Variants in LRP6 observed in about 807,000 individuals in gnomAD.
LRP6 encodes the protein low-density lipoprotein receptor-related protein 6.
LRP6 carries 43 observed loss-of-function variants against 184.1 expected under a neutral mutation model. The observed-to-expected ratio is 0.23, with a 90% CI of 0.18 to 0.30. The LOEUF is 0.30. Ranked by LOEUF, LRP6 falls within the 10% of genes least tolerant of loss-of-function variation. The pLI is 1.00. For missense variants in LRP6, 1,571 were observed against 2,005.3 expected, an observed-to-expected ratio of 0.78 and a Z score of 4.14; for synonymous variants, 719 against 684.9, an observed-to-expected ratio of 1.05 and a Z score of -0.78.
intron 1 of LRP6, among the ~76,000 whole-genome samples, chr12:12,261,363 G>C (rs553248691): frequency 4.7e-5 from 7 of 149,024 alleles, no homozygotes; most frequent in African/African-American, 1.2e-4. Flanking sequence ...AGATCACGCC[G>C]CTGCACTCCA....
intron 13 of LRP6, among the ~76,000 whole-genome samples, chr12:12,149,756 TCA>T (rs931040206): frequency 1.3e-5 from 2 of 152,166 alleles, no homozygotes; most frequent in African/African-American, 4.8e-5. Context: ...ACAAATCAAG[TCA>T]TCTCCTTTTC....
intron 7 of LRP6, among the ~76,000 whole-genome samples, chr12:12,177,225 G>A (rs886118726): frequency 4.6e-5 from 7 of 152,078 alleles, no homozygotes; most frequent in South Asian, 4.1e-4. Context: ...TAGTCCCAGC[G>A]AAAAGCAGCT....
chr12:12,180,225 A>T (rs149874711), intron 6 of LRP6, among the ~76,000 whole-genome samples: 78 of 145,842 alleles, frequency 5.3e-4, no homozygotes, highest in African/African-American at 1.8e-3. Context: ...CAATAATGAG[A>T]TTACAGTTTT....
intron 2 of LRP6, among the ~76,000 whole-genome samples, chr12:12,206,577 T>C (rs1349120192): frequency 1.3e-5 from 2 of 151,484 alleles, no homozygotes; most frequent in African/African-American, 4.9e-5. Context: ...TTCATTTTTA[T>C]TCTGAGAACA....
intron 3 of LRP6, among the ~76,000 whole-genome samples, chr12:12,194,059 A>C (rs1863688133): frequency 6.6e-6 from 1 of 152,078 alleles, no homozygotes; most frequent in Non-Finnish European, 1.5e-5. Flanking sequence ...CAATTACTGA[A>C]ATTCACCATG....
rs550623431 is a variant in LRP6, at chr12:12,145,046, A to G, written c.3397+2320T>C. Among the ~76,000 whole-genome samples the G allele has an allele frequency of 3.3e-5, 5 of 152,318 alleles. No homozygotes were observed. The East Asian group carries it at 9.6e-4, about 29-fold the overall frequency. The stretch of plus-strand genomic sequence containing the variant: ...CCTGCACATTGTGCACATGTATCCT[A>G]AAACTTATAATTAAAAAAAAAACTG... On this transcript the variant is annotated intron_variant, in intron 15 of 22. Coordinates refer to ENST00000261349, the MANE Select transcript of LRP6 (RefSeq NM_002336.3).
rs1456822172 is a variant in LRP6, at chr12:12,244,587, T to C, written c.124A>G (p.Asn42Asp). ...RLVDATNGKENATIVVGGLED... is the reference protein window; with the variant it reads ...RLVDATNGKEDATIVVGGLED... The stretch of plus-strand genomic sequence containing the variant: ...AAGCCTCCAACTACAATCGTAGCAT[T>C]CTCTTTGCCATTTGTAGCATCAACC... Residue 42 changes from asparagine (N) to aspartate (D), a missense_variant, in exon 2 of 23, where the codon AAT becomes GAT. Transcript: ENST00000261349. 1.9e-6 allele frequency: 3 copies of C among 1,614,172 alleles called. No homozygotes were observed. The highest frequency in any genetic ancestry group is 8.5e-7 in the Non-Finnish European group (1 of 1,180,006).
chr12:12,187,592 A>C (rs1266595017), intron 3 of LRP6: 1 of 194,786 alleles, frequency 5.1e-6, no homozygotes, highest in Non-Finnish European at 1.1e-5. Flanking sequence ...GATGTGGAAG[A>C]ACAAAGAACC....
At chr12:12,224,966 A>T (rs1268119389) in intron 2 of LRP6, among the ~76,000 whole-genome samples, 1 of 152,182 alleles carries the variant, frequency 6.6e-6, no homozygotes, top group Non-Finnish European at 1.5e-5. Flanking sequence ...GCACTTTAGG[A>T]GGCCCAGGCA....
At chr12:12,206,542 CAAAA>C (rs60179716) in intron 2 of LRP6, among the ~76,000 whole-genome samples, 28 of 116,854 alleles carry the variant, frequency 2.4e-4, no homozygotes, top group Admixed American at 3.5e-4. Context: ...GACTCCATCT[CAAAA>C]AAAAAAAAAA....
chr12:12,203,436 G>A (rs1315761026), intron 2 of LRP6, 36 bp from the exon 3 acceptor site: 5 of 1,505,320 alleles, frequency 3.3e-6, no homozygotes, highest in Non-Finnish European at 3.7e-6. Context: ...CCATGACAGA[G>A]CAGATATCAA....
At chr12:12,151,116 T>C (rs1385154921) in intron 12 of LRP6, 78 bp from the exon 13 acceptor site, 15 of 1,237,800 alleles carry the variant, frequency 1.2e-5, no homozygotes, top group South Asian at 5.1e-5. Context: ...ATCAGCCTGT[T>C]GTATGTATTT....
At chr12:12,261,847 A>G (rs1279109556) in intron 1 of LRP6, among the ~76,000 whole-genome samples, 2 of 152,222 alleles carry the variant, frequency 1.3e-5, no homozygotes, top group Non-Finnish European at 2.9e-5. Flanking sequence ...TTCTACAGAA[A>G]TACAAGATGC....
At chr12:12,205,356 AGAG>A (rs1864030615) in intron 2 of LRP6, among the ~76,000 whole-genome samples, 1 of 133,044 alleles carries the variant, frequency 7.5e-6, no homozygotes, top group Non-Finnish European at 1.7e-5. Flanking sequence ...AAAAAAAAAA[AGAG>A]GTAATGAGGG....
chr12:12,164,686 T>C, intron 8 of LRP6, 124 bp from the exon 9 acceptor site: 1 of 855,500 alleles, frequency 1.2e-6, no homozygotes. Context: ...TTGCTCCCAA[T>C]CTCAAGTTTC....
rs765627073 is a variant in LRP6, at chr12:12,267,039, G to T, written c.-304C>A. ...GCCTCTGCCTCGCGCAGCGGCGCAG[G>T]GATACGGTCGGCACCGCCTCCTAGG... On this transcript the variant is annotated 5_prime_UTR_variant, in exon 1 of 23. Coordinates refer to ENST00000261349, the MANE Select transcript of LRP6 (RefSeq NM_002336.3). 582 of 440,316 alleles carry T rather than the reference G, an allele frequency of 1.3e-3. 4 individuals carry two copies. The highest frequency in any genetic ancestry group is 1.9e-3 in the Non-Finnish European group (466 of 248,094). 27.3% of individuals were successfully genotyped at this position (440,316 alleles called of 1,614,324 possible).
chr12:12,116,965 A>T lies in LRP6; in HGVS notation c.*4161T>A, dbSNP rs1016326964. On this transcript the variant is annotated 3_prime_UTR_variant, in exon 23 of 23. Transcript: ENST00000261349. ...TCACAATACTTATAATTTAAATTTT[A>T]AAAAAATTATAAACGTATAATTTTA... 2 of 151,686 alleles carry T rather than the reference A, an allele frequency of 1.3e-5. No individual in the cohort carries two copies. The highest frequency in any genetic ancestry group is 1.5e-5 in the Non-Finnish European group (1 of 68,018). 9.4% of individuals were successfully genotyped at this position (151,686 alleles called of 1,614,324 possible). A position where few individuals can be genotyped will look rare whatever the true frequency, so the allele number is the denominator to read the frequency against.
chr12:12,261,521 T>A lies in LRP6; in HGVS notation c.55+5160A>T, dbSNP rs970494666. 2.0e-5 allele frequency among the ~76,000 whole-genome samples: 3 copies of A among 152,128 alleles called. No homozygotes were observed. In the East Asian group the frequency reaches 5.8e-4, roughly 29 times the overall value. ...TATTGTTTAGCCAAATGAGCAAACC[T>A]GAAGCCAGGTAAGTAAACAGGAATG... On this transcript the variant is annotated intron_variant, in intron 1 of 22. Coordinates refer to ENST00000261349, the MANE Select transcript of LRP6 (RefSeq NM_002336.3).
Position 12,179,361 on chromosome 12 carries a change from A to AAGATATAGATATAGATAT in LRP6, c.1545+431_1545+448dup, listed in dbSNP as rs71061019. Reference sequence around the variant, plus strand: ...CCCCAACACCAGTTAACAGCAATAAAAGATATAGATATAGATATAGATATA... The same window carrying AAGATATAGATATAGATAT: ...CCCCAACACCAGTTAACAGCAATAAAAGATATAGATATAGATATAGATATAGATATAGATATAGATATA... On this transcript the variant is annotated intron_variant, in intron 7 of 22. Transcript: ENST00000261349. 4.6e-4 allele frequency among the ~76,000 whole-genome samples: 39 copies of AAGATATAGATATAGATAT among 83,894 alleles called. 1 individual carries two copies. Among genetic ancestry groups the AAGATATAGATATAGATAT allele is most frequent in the South Asian group, 1.2e-3 (2 of 1,634 alleles). The allele number at this position is 83,894 out of a possible 152,430, so 55.0% of individuals were successfully genotyped here.
Sources: allele counts gnomAD v4.1 joint callset (sites outside exome capture counted in the v4.1 genomes callset), GRCh38; gene constraint gnomAD v4.1.1; transcripts MANE v1.5; gene names NCBI Gene and HGNC (gene_info 2026-07-23, HGNC 2026-07-21).